The following CCDC191 variants were observed in gnomAD, a reference collection of about 807,000 sequenced individuals.
The protein encoded by CCDC191 is coiled-coil domain-containing protein 191.
A neutral mutation model predicts 114.0 loss-of-function variants in CCDC191; 99 were observed. The ratio of observed to expected loss-of-function variants is 0.87; its 90% CI spans 0.74 to 1.03. The LOEUF (loss-of-function observed/expected upper bound fraction) is 1.03, where lower values mean the gene tolerates loss of function less well. Ranked by LOEUF, CCDC191 falls within the 50% of genes least tolerant of loss-of-function variation. The pLI is 0.00. For missense variants in CCDC191, 973 were observed against 1,087.0 expected, an observed-to-expected ratio of 0.90 and a Z score of 1.47; for synonymous variants, 351 against 376.0, an observed-to-expected ratio of 0.93 and a Z score of 0.77.
intron 11 of CCDC191, 154 bp downstream of exon 11, chr3:114,004,483 C>A: frequency 7.2e-7 from 1 of 1,386,894 alleles, no homozygotes; most frequent in Non-Finnish European, 9.4e-7. Context: ...CTGGTGTACT[C>A]CACTCCTCAC....
At chr3:113,991,098 T>C (rs2075544362) in intron 13 of CCDC191, among the ~76,000 whole-genome samples, 1 of 151,688 alleles carries the variant, frequency 6.6e-6, no homozygotes, top group Non-Finnish European at 1.5e-5. Flanking sequence ...TAGCTGGGTG[T>C]GGTGGCGCAT....
In CCDC191 at chr3:114,056,275, C is replaced by T. The variant is rs113196954; in HGVS notation, c.90+102G>A. ...CGGTCAAGGCAGGGGCGTGTCAGCT[C>T]AGGATGAAGAGGCAGGAAGCACAGA... On this transcript the variant is annotated intron_variant, in intron 1 of 16. Transcript: ENST00000295878. 4,825 of 1,106,732 alleles carry T rather than the reference C, an allele frequency of 4.4e-3. 16 individuals carry two copies. Among genetic ancestry groups the T allele is most frequent in the Non-Finnish European group, 5.6e-3 (4,106 of 735,464 alleles). 68.6% of individuals were successfully genotyped at this position (1,106,732 alleles called of 1,614,324 possible). A position where few individuals can be genotyped will look rare whatever the true frequency, so the allele number is the denominator to read the frequency against.
chr3:114,027,720 C>T (rs750835092), intron 7 of CCDC191, among the ~76,000 whole-genome samples: 5 of 151,946 alleles, frequency 3.3e-5, no homozygotes, highest in African/African-American at 4.8e-5. Context: ...AGTCTTCCTG[C>T]AAATACTCTA....
Position 113,988,006 on chromosome 3 carries a change from C to T in CCDC191, c.2164-7213G>A, listed in dbSNP as rs1039131941. Among the ~76,000 whole-genome samples, 8 of 151,892 alleles carry T rather than the reference C, an allele frequency of 5.3e-5. No individual in the cohort carries two copies. The South Asian group carries it at 1.7e-3, about 32-fold the overall frequency. ...GCAGTGAGCCAAGATCATGCCACTG[C>T]ACTCCAGCCTGGGCGACAGAGCAAG... On this transcript the variant is annotated intron_variant, in intron 13 of 16. Coordinates refer to ENST00000295878, the MANE Select transcript of CCDC191 (RefSeq NM_020817.2).
chr3:114,040,338 G>A (rs543545615), intron 4 of CCDC191, among the ~76,000 whole-genome samples: 1 of 152,202 alleles, frequency 6.6e-6, no homozygotes, highest in African/African-American at 2.4e-5. Flanking sequence ...TCTTCATTAA[G>A]CAACACATGA....
intron 7 of CCDC191, among the ~76,000 whole-genome samples, chr3:114,019,395 AGG>A (rs1454435094): frequency 1.3e-5 from 2 of 152,164 alleles, no homozygotes; most frequent in Non-Finnish European, 2.9e-5. Context: ...TGACCACTTT[AGG>A]GCTTTGGTGA....
At chr3:113,973,843 T>A (rs1941063630) in intron 16 of CCDC191, among the ~76,000 whole-genome samples, 1 of 151,984 alleles carries the variant, frequency 6.6e-6, no homozygotes, top group African/African-American at 2.4e-5. Context: ...TTGGAAAGTT[T>A]CCTATTTTTA....
chr3:113,968,896 A>T (rs1014603327), intron 16 of CCDC191, among the ~76,000 whole-genome samples: 6 of 152,048 alleles, frequency 3.9e-5, no homozygotes, highest in Non-Finnish European at 5.9e-5. Flanking sequence ...TAATTTATTT[A>T]AAAAAAGAGG....
rs1437126422 is a variant in CCDC191, at chr3:114,010,644, G to A, written c.1413+128C>T. 7.8e-6 allele frequency: 6 copies of A among 765,836 alleles called. No individual in the cohort carries two copies. The African/African-American group carries it at 1.0e-4, about 13-fold the overall frequency. 47.4% of individuals were successfully genotyped at this position (765,836 alleles called of 1,614,324 possible). On this transcript the variant is annotated intron_variant, in intron 9 of 16. Coordinates refer to ENST00000295878, the MANE Select transcript of CCDC191 (RefSeq NM_020817.2). Reference sequence around the variant, plus strand: ...TCAAGGAAATAAACACTGCCTGAAAGGTAGTGCATTGAGGCAGCTCTAATC... The same window carrying A: ...TCAAGGAAATAAACACTGCCTGAAAAGTAGTGCATTGAGGCAGCTCTAATC...
At chr3:114,007,451 C>T (rs948541048) in intron 9 of CCDC191, among the ~76,000 whole-genome samples, 12 of 152,114 alleles carry the variant, frequency 7.9e-5, no homozygotes, top group African/African-American at 2.7e-4. Flanking sequence ...TAAAAGTAAC[C>T]TTTTATTTCA....
At chr3:113,969,012 CAT>C (rs1940518272) in intron 16 of CCDC191, among the ~76,000 whole-genome samples, 1 of 152,238 alleles carries the variant, frequency 6.6e-6, no homozygotes, top group South Asian at 2.1e-4. Flanking sequence ...GGGGAGCTAT[CAT>C]GTGCAGAGAT....
intron 2 of CCDC191, among the ~76,000 whole-genome samples, chr3:114,051,540 C>A (rs2076698000): frequency 6.6e-6 from 1 of 152,156 alleles, no homozygotes. Context: ...CTAGCCTGGG[C>A]AACATAGTGA....
intron 13 of CCDC191, among the ~76,000 whole-genome samples, chr3:113,991,172 G>C (rs908243803): frequency 4.7e-5 from 7 of 148,694 alleles, no homozygotes; most frequent in Non-Finnish European, 5.9e-5. Context: ...GGAGGTGGAG[G>C]TTACAGTGAG....
At chr3:114,027,822 T>G (rs2076346597) in intron 7 of CCDC191, among the ~76,000 whole-genome samples, 1 of 152,190 alleles carries the variant, frequency 6.6e-6, no homozygotes, top group African/African-American at 2.4e-5. Context: ...GCAAGGCAGC[T>G]AGGCATTTTC....
At chr3:113,972,975 G>C (rs1236566315) in intron 16 of CCDC191, among the ~76,000 whole-genome samples, 1 of 152,066 alleles carries the variant, frequency 6.6e-6, no homozygotes, top group Non-Finnish European at 1.5e-5. Context: ...CTTATAGGCA[G>C]CATACAGTTG....
At chr3:114,036,002 T>C (rs1438830115) in intron 5 of CCDC191, among the ~76,000 whole-genome samples, 4 of 152,172 alleles carry the variant, frequency 2.6e-5, no homozygotes, top group African/African-American at 9.6e-5. Context: ...GGCACACACA[T>C]GTACAGATAT....
chr3:114,018,626 G>C, intron 8 of CCDC191, 52 bp downstream of exon 8: 2 of 1,407,572 alleles, frequency 1.4e-6, no homozygotes, highest in Middle Eastern at 3.7e-4. Flanking sequence ...TTCTTCAGGA[G>C]GGAAATATCC....
Position 113,979,956 on chromosome 3 carries a change from A to C in CCDC191, c.2307+694T>G, listed in dbSNP as rs555116225. On this transcript the variant is annotated intron_variant, in intron 14 of 16. Transcript: ENST00000295878. ...ATATCTCTCTGCAGTAGAGTGAATTACTGTTCTGTTCTCTCTAATAGAATT... is the reference window on the plus strand; with the variant it reads ...ATATCTCTCTGCAGTAGAGTGAATTCCTGTTCTGTTCTCTCTAATAGAATT... Among the ~76,000 whole-genome samples, 5 of 152,322 alleles carry C rather than the reference A, an allele frequency of 3.3e-5. No individual in the cohort carries two copies. The South Asian group carries it at 1.0e-3, about 32-fold the overall frequency.
At chr3:114,050,965 T>C (rs1304026808) in intron 2 of CCDC191, among the ~76,000 whole-genome samples, 5 of 152,190 alleles carry the variant, frequency 3.3e-5, no homozygotes, top group African/African-American at 1.2e-4. Context: ...ACTCACAGTT[T>C]TACCCAACCA....
Sources: gnomAD v4.1 joint callset for allele counts (sites outside exome capture counted in the v4.1 genomes callset) on GRCh38, gnomAD v4.1.1 for gene constraint, MANE v1.5 for transcripts, NCBI Gene and HGNC (gene_info 2026-07-23, HGNC 2026-07-21) for gene names.